The following MGMT variants were observed in gnomAD, a reference collection of about 807,000 sequenced individuals.
MGMT encodes O-6-methylguanine-DNA methyltransferase.
Under a neutral mutation model 15.9 loss-of-function variants are expected in MGMT, and 14 were observed. The observed-to-expected ratio is 0.88, with a 90% confidence interval of 0.58 to 1.37. The LOEUF is 1.37. Ranked by LOEUF, MGMT falls within the 40% of genes most tolerant of loss-of-function variation. The pLI, the probability that MGMT is intolerant of heterozygous loss-of-function variation, is 0.00. For missense variants in MGMT, 282 were observed against 268.1 expected (o/e 1.05, Z -0.36); for synonymous variants, 130 against 118.2 (o/e 1.10, Z -0.65).
chr10:129,529,045 T>C (rs1256444649), intron 1 of MGMT, among the ~76,000 whole-genome samples: 1 of 151,972 alleles, frequency 6.6e-6, no homozygotes, highest in African/African-American at 2.4e-5. Flanking sequence ...GCGGCTTCTC[T>C]GAGAAAGTGA....
chr10:129,687,616 T>C (rs1363940293), intron 2 of MGMT, among the ~76,000 whole-genome samples: 1 of 152,116 alleles, frequency 6.6e-6, no homozygotes, highest in Admixed American at 6.5e-5. Context: ...TACTCCATAT[T>C]GCTTTGTTTC....
intron 2 of MGMT, among the ~76,000 whole-genome samples, chr10:129,639,635 A>G (rs189121398): frequency 3.9e-5 from 6 of 152,384 alleles, no homozygotes; most frequent in Admixed American, 1.3e-4. Context: ...GTTTTGAATT[A>G]AATGAACATG....
At chr10:129,692,361 C>T (rs542444066) in intron 2 of MGMT, among the ~76,000 whole-genome samples, 8 of 152,260 alleles carry the variant, frequency 5.3e-5, no homozygotes, top group East Asian at 3.9e-4. Context: ...GCCTATCAGG[C>T]GCCTTCTATG....
At chr10:129,557,136 C>T (rs1462641900) in intron 2 of MGMT, among the ~76,000 whole-genome samples, 4 of 152,178 alleles carry the variant, frequency 2.6e-5, no homozygotes, top group East Asian at 1.9e-4. Context: ...TAACAAATTA[C>T]GAAGCATCTT....
At chr10:129,576,738 G>C (rs1482116109) in intron 2 of MGMT, among the ~76,000 whole-genome samples, 3 of 152,212 alleles carry the variant, frequency 2.0e-5, no homozygotes, top group South Asian at 4.1e-4. Context: ...AAAAGAGGAA[G>C]TCAAATTGTC....
chr10:129,642,603 G>C (rs1320669071), intron 2 of MGMT, among the ~76,000 whole-genome samples: 1 of 152,144 alleles, frequency 6.6e-6, no homozygotes, highest in Non-Finnish European at 1.5e-5. Flanking sequence ...TGTGTGGAGG[G>C]GGCACCCTTT....
At chr10:129,715,992 A>C (rs1021034267) in intron 3 of MGMT, among the ~76,000 whole-genome samples, 4 of 152,196 alleles carry the variant, frequency 2.6e-5, no homozygotes, top group African/African-American at 9.6e-5. Context: ...CGCGGCGGTC[A>C]GTGTAGCTTC....
At chr10:129,538,766 G>A (rs983168500) in intron 2 of MGMT, among the ~76,000 whole-genome samples, 2 of 152,128 alleles carry the variant, frequency 1.3e-5, no homozygotes, top group Non-Finnish European at 2.9e-5. Context: ...CTCTGGAGTA[G>A]CTGGGATTAC....
chr10:129,610,026 A>G (rs1016226729), intron 2 of MGMT, among the ~76,000 whole-genome samples: 1 of 152,144 alleles, frequency 6.6e-6, no homozygotes, highest in Non-Finnish European at 1.5e-5. Context: ...AGACACTGAG[A>G]GTTTTTGCTT....
chr10:129,503,262 T>C (rs1246515185), intron 1 of MGMT, among the ~76,000 whole-genome samples: 1 of 152,224 alleles, frequency 6.6e-6, no homozygotes, highest in Non-Finnish European at 1.5e-5. Context: ...GACTGATGCA[T>C]GATTTATCCA....
chr10:129,651,498 C>G (rs1191659986), intron 2 of MGMT, among the ~76,000 whole-genome samples: 1 of 152,012 alleles, frequency 6.6e-6, no homozygotes, highest in Non-Finnish European at 1.5e-5. Flanking sequence ...ACAAATTGCC[C>G]CTTTTTATTC....
intron 2 of MGMT, among the ~76,000 whole-genome samples, chr10:129,687,869 C>G (rs1289027389): frequency 6.6e-6 from 1 of 151,750 alleles, no homozygotes; most frequent in East Asian, 1.9e-4. Context: ...CACAACAGGC[C>G]CTGGTGTGTG....
chr10:129,625,469 A>G (rs557259249), intron 2 of MGMT, among the ~76,000 whole-genome samples: 17 of 152,354 alleles, frequency 1.1e-4, no homozygotes, highest in African/African-American at 2.6e-4. Flanking sequence ...TTAAAATCCT[A>G]ATAAAATATT....
At chr10:129,731,984 A>G (rs1346641076) in intron 3 of MGMT, among the ~76,000 whole-genome samples, 1 of 152,092 alleles carries the variant, frequency 6.6e-6, no homozygotes, top group Non-Finnish European at 1.5e-5. Flanking sequence ...GGCAAATAAC[A>G]TCCTAGTATT....
intron 2 of MGMT, among the ~76,000 whole-genome samples, chr10:129,653,194 G>A (rs1018056769): frequency 2.0e-5 from 3 of 152,196 alleles, no homozygotes; most frequent in Non-Finnish European, 2.9e-5. Context: ...CTTCATGTCC[G>A]GTTATTAATA....
intron 1 of MGMT, among the ~76,000 whole-genome samples, chr10:129,492,541 A>C (rs1459982284): frequency 1.3e-5 from 2 of 152,092 alleles, no homozygotes; most frequent in African/African-American, 4.8e-5. Flanking sequence ...AGGATAGCAA[A>C]TTGATTGCAC....
chr10:129,575,009 A>T (rs1438946594), intron 2 of MGMT, among the ~76,000 whole-genome samples: 1 of 152,146 alleles, frequency 6.6e-6, no homozygotes, highest in Non-Finnish European at 1.5e-5. Flanking sequence ...CCGCTGTGTG[A>T]TCTCCACACA....
chr10:129,748,426 T>G (rs1848719087), intron 3 of MGMT, among the ~76,000 whole-genome samples: 1 of 152,198 alleles, frequency 6.6e-6, no homozygotes, highest in Non-Finnish European at 1.5e-5. Flanking sequence ...TTGCTTCATT[T>G]CATTTTGGAG....
At chr10:129,743,649 G>C (rs1377788487) in intron 3 of MGMT, among the ~76,000 whole-genome samples, 2 of 152,228 alleles carry the variant, frequency 1.3e-5, no homozygotes, top group Non-Finnish European at 2.9e-5. Flanking sequence ...GGACCTTTGG[G>C]GAGACTGTCT....
Sources: allele counts gnomAD v4.1 joint callset (sites outside exome capture counted in the v4.1 genomes callset), GRCh38; gene constraint gnomAD v4.1.1; transcripts MANE v1.5; gene names NCBI Gene and HGNC (gene_info 2026-07-23, HGNC 2026-07-21).